The following PKHD1 variants were observed in gnomAD, a reference collection of about 807,000 sequenced individuals.
PKHD1 encodes the protein fibrocystin.
PKHD1 carries 291 observed loss-of-function variants against 412.0 expected under a neutral mutation model. That is an observed-to-expected ratio of 0.71 (90% confidence interval 0.64 to 0.78). The LOEUF (loss-of-function observed/expected upper bound fraction) is 0.78. PKHD1 is among the 30% of genes least tolerant of loss of function. The probability of loss-of-function intolerance (pLI) is 0.00; values close to 1 mark genes in which losing one functional copy is unlikely to be tolerated. For synonymous variants in PKHD1, 1,777 were observed against 1,821.5 expected, an observed-to-expected ratio of 0.98 and a Z score of 0.62; for missense variants, 4,825 against 4,950.7, an observed-to-expected ratio of 0.97 and a Z score of 0.76.
At chr6:51,895,426 C>G (rs908982073) in intron 43 of PKHD1, among the ~76,000 whole-genome samples, 2 of 152,240 alleles carry the variant, frequency 1.3e-5, no homozygotes, top group African/African-American at 4.8e-5. Context: ...GATAGCCCAA[C>G]AGAATCTAAA....
At chr6:51,807,742 T>G (rs9474082) in intron 52 of PKHD1, among the ~76,000 whole-genome samples, 90,445 of 151,490 alleles carry the variant, frequency 0.6, 27,393 homozygotes, top group East Asian at 0.78. Flanking sequence ...AGTCTTTGTA[T>G]CCATCCATTC....
At chr6:51,718,327 T>A (rs1313360430) in intron 60 of PKHD1, among the ~76,000 whole-genome samples, 1 of 152,198 alleles carries the variant, frequency 6.6e-6, no homozygotes, top group Non-Finnish European at 1.5e-5. Context: ...ATTATCCCAA[T>A]GAGGGGTGGC....
chr6:52,086,103 CAAAGTGTGTGTGTATGTGTGTG>C (rs1812742535), intron 1 of PKHD1, among the ~76,000 whole-genome samples: 2 of 142,784 alleles, frequency 1.4e-5, no homozygotes, highest in Non-Finnish European at 3.1e-5. Flanking sequence ...TACACACACA[CAAAGTGTGTGTGTATGTGTGTG>C]TGTGTGGCAG....
rs535214347 is a variant in PKHD1, at chr6:52,048,253, A to G, written c.2407+239T>C. 8.5e-4 allele frequency among the ~76,000 whole-genome samples: 129 copies of G among 152,342 alleles called. 1 individual carries two copies. Among genetic ancestry groups the G allele is most frequent in the African/African-American group, 2.9e-3 (121 of 41,578 alleles). On this transcript the variant is annotated intron_variant, in intron 23 of 66. Coordinates refer to ENST00000371117, the MANE Select transcript of PKHD1 (RefSeq NM_138694.4). ...TACAACAGTCCCAGGAAGCTGATCC[A>G]CTCAGTTTCCACAACTATACATCTT...
chr6:51,866,063 G>T (rs1221453659), intron 48 of PKHD1, among the ~76,000 whole-genome samples: 1 of 152,070 alleles, frequency 6.6e-6, no homozygotes, highest in African/African-American at 2.4e-5. Context: ...GCTGCTGCTG[G>T]TCCATGGACA....
intron 35 of PKHD1, among the ~76,000 whole-genome samples, chr6:51,979,996 T>C (rs1794938763): frequency 6.6e-6 from 1 of 152,230 alleles, no homozygotes; most frequent in South Asian, 2.1e-4. Flanking sequence ...TACATCAATG[T>C]TTCACCTTGC....
chr6:51,719,272 A>C (rs993301052), intron 60 of PKHD1, among the ~76,000 whole-genome samples: 1 of 152,114 alleles, frequency 6.6e-6, no homozygotes, highest in African/African-American at 2.4e-5. Context: ...GCAGTGGCAC[A>C]ATCACGGCTC....
Position 52,015,926 on chromosome 6 carries a change from T to C in PKHD1, c.5600+1484A>G, listed in dbSNP as rs138714465. ...GATATTCATAGGTAAAGCTATACTG[T>C]CAATGCGTTCTGAGGCTCAGTTGCT... On this transcript the variant is annotated intron_variant, in intron 34 of 66. Coordinates refer to ENST00000371117, the MANE Select transcript of PKHD1 (RefSeq NM_138694.4). Among the ~76,000 whole-genome samples, 10 of 152,312 alleles carry C rather than the reference T, an allele frequency of 6.6e-5. No homozygotes were observed. The East Asian group carries it at 1.7e-3, about 26-fold the overall frequency.
At chr6:52,066,719 G>A (rs921277141) in intron 11 of PKHD1, among the ~76,000 whole-genome samples, 3 of 152,074 alleles carry the variant, frequency 2.0e-5, no homozygotes, top group Non-Finnish European at 4.4e-5. Context: ...GACCAATATG[G>A]TGAAACCCTG....
chr6:51,742,615 T>C (rs1018406217), intron 60 of PKHD1, among the ~76,000 whole-genome samples: 10 of 152,188 alleles, frequency 6.6e-5, no homozygotes, highest in Admixed American at 5.9e-4. Context: ...AGCAAACTCT[T>C]CTGGCTGGTT....
At chr6:51,970,181 GATGATTACTA>G (rs1203141875) in intron 35 of PKHD1, among the ~76,000 whole-genome samples, 1 of 152,098 alleles carries the variant, frequency 6.6e-6, no homozygotes, top group African/African-American at 2.4e-5. Context: ...TCATTTCTCT[GATGATTACTA>G]ATGTTGAGCA....
In PKHD1 at chr6:51,872,966, G is replaced by A. The variant is rs371546348; in HGVS notation, c.7351-2327C>T. On this transcript the variant is annotated intron_variant, in intron 46 of 66. Transcript: ENST00000371117. ...TAAGCCAGAAAAGAAGAAGATGTAC[G>A]AATCAGAAACAAGAGTTCCAATACT... Among the ~76,000 whole-genome samples, 14 of 137,164 alleles carry A rather than the reference G, an allele frequency of 1.0e-4. 2 individuals are homozygous for A. The East Asian group carries it at 2.7e-3, about 26-fold the overall frequency. The allele number at this position is 137,164 out of a possible 152,430, so 90.0% of individuals were successfully genotyped here. A position where few individuals can be genotyped will look rare whatever the true frequency, so the allele number is the denominator to read the frequency against.
intron 54 of PKHD1, among the ~76,000 whole-genome samples, chr6:51,773,554 A>T (rs1402967654): frequency 1.3e-5 from 2 of 151,588 alleles, no homozygotes; most frequent in South Asian, 2.1e-4. Flanking sequence ...TATTTAGATA[A>T]AAAATATACA....
intron 21 of PKHD1, among the ~76,000 whole-genome samples, chr6:52,052,598 C>G (rs1295456178): frequency 2.0e-5 from 3 of 152,146 alleles, no homozygotes; most frequent in African/African-American, 7.2e-5. Context: ...CTTCCAGCAC[C>G]TGGTATGACA....
intron 60 of PKHD1, among the ~76,000 whole-genome samples, chr6:51,716,288 T>A (rs1781245722): frequency 6.6e-6 from 1 of 152,130 alleles, no homozygotes; most frequent in Non-Finnish European, 1.5e-5. Flanking sequence ...AACCCCAGCC[T>A]TCATATGAGT....
chr6:51,834,902 T>G (rs1218938930), intron 51 of PKHD1, among the ~76,000 whole-genome samples: 3 of 152,200 alleles, frequency 2.0e-5, no homozygotes, highest in African/African-American at 7.2e-5. Context: ...AACACTGGGC[T>G]GAGTTGAGAC....
At chr6:52,022,711 T>C in intron 33 of PKHD1, 90 bp downstream of exon 33, 1 of 1,318,036 alleles carries the variant, frequency 7.6e-7, no homozygotes. Context: ...TAGTAGTCAG[T>C]ACAGCATTAA....
intron 29 of PKHD1, among the ~76,000 whole-genome samples, chr6:52,031,883 C>T (rs1803099033): frequency 6.6e-6 from 1 of 152,170 alleles, no homozygotes; most frequent in Non-Finnish European, 1.5e-5. Context: ...AACAACATAA[C>T]TTTTGGAGCA....
intron 37 of PKHD1, among the ~76,000 whole-genome samples, chr6:51,917,980 T>C (rs1784091250): frequency 6.6e-6 from 1 of 152,076 alleles, no homozygotes; most frequent in South Asian, 2.1e-4. Context: ...GGACTTACTG[T>C]ATGTTGGGGA....
Sources: allele counts gnomAD v4.1 joint callset (sites outside exome capture counted in the v4.1 genomes callset), GRCh38; gene constraint gnomAD v4.1.1; transcripts MANE v1.5; gene names NCBI Gene and HGNC (gene_info 2026-07-23, HGNC 2026-07-21).